The following HENMT1 variants were observed in gnomAD, a reference collection of about 807,000 sequenced individuals.
HENMT1 encodes the protein HEN methyltransferase 1.
Under a neutral mutation model 31.1 loss-of-function variants are expected in HENMT1, and 27 were observed. The observed-to-expected ratio is 0.87, with a 90% CI of 0.64 to 1.20. HENMT1 has a LOEUF of 1.20. Ranked by LOEUF, HENMT1 falls within the 50% of genes most tolerant of loss-of-function variation. HENMT1 has a pLI of 0.00. For missense variants in HENMT1, 438 were observed against 469.6 expected, an observed-to-expected ratio of 0.93 and a Z score of 0.62; for synonymous variants, 167 against 172.2, an observed-to-expected ratio of 0.97 and a Z score of 0.24.
At chr1:108,654,199 T>C (rs1356581911) in intron 5 of HENMT1, among the ~76,000 whole-genome samples, 1 of 152,172 alleles carries the variant, frequency 6.6e-6, no homozygotes, top group African/African-American at 2.4e-5. Context: ...TGTAAATGCA[T>C]GGATTTATTT....
Position 108,649,278 on chromosome 1 carries a change from CA to C in HENMT1, c.757-288del, listed in dbSNP as rs914564565. 1,365 of 506,332 alleles carry C rather than the reference CA, an allele frequency of 2.7e-3. 1 individual carries two copies. Among genetic ancestry groups the C allele is most frequent in the African/African-American group, 0.012 (628 of 50,428 alleles). 31.4% of individuals were successfully genotyped at this position (506,332 alleles called of 1,614,324 possible). A position where few individuals can be genotyped will look rare whatever the true frequency, so the allele number is the denominator to read the frequency against. The stretch of plus-strand genomic sequence containing the variant: ...CTACTTGATATTACAGGGGCAAGGG[CA>C]AAAAAAAATGAAAAATGGTTCAGTT... On this transcript the variant is annotated intron_variant, in intron 7 of 7. Coordinates refer to ENST00000651461, the MANE Select transcript of HENMT1 (RefSeq NM_001102592.2).
chr1:108,649,005 A>G lies in HENMT1; in HGVS notation c.757-14T>C. 6.4e-7 allele frequency: 1 copy of G among 1,554,712 alleles called. No individual in the cohort carries two copies. The highest frequency in any genetic ancestry group is 8.7e-7 in the Non-Finnish European group (1 of 1,151,558). ...GGTGGTAAAAACCTGAAGGGAAAAA[A>G]CAAAACACTTACAAGTGTATAATAA... is the stretch of plus-strand genomic sequence containing the variant. On this transcript the variant is annotated splice_polypyrimidine_tract_variant and intron_variant, in intron 7 of 7. Coordinates refer to ENST00000651461, the MANE Select transcript of HENMT1 (RefSeq NM_001102592.2).
chr1:108,648,927 T>G lies in HENMT1; in HGVS notation c.821A>C (p.Glu274Ala). The G allele has an allele frequency of 6.2e-7, 1 of 1,613,788 alleles. No individual in the cohort carries two copies. The highest frequency in any genetic ancestry group is 8.5e-7 in the Non-Finnish European group (1 of 1,179,746). The change falls in exon 8 of 8, where the codon GAG becomes GCG. Residue 274 changes from glutamate to alanine, a missense_variant. Coordinates refer to ENST00000651461, the MANE Select transcript of HENMT1 (RefSeq NM_001102592.2). ...TAAGCTTTCCACTTGTTGGGACACC[T>G]CATTAACCAACACAAGTTTAAAGAA... ...ERFFKLVLVN[E>A]VSQQVESLRV... is the part of the protein sequence containing the mutation.
intron 4 of HENMT1, among the ~76,000 whole-genome samples, chr1:108,655,061 G>A (rs1658177299): frequency 6.6e-6 from 1 of 152,080 alleles, no homozygotes; most frequent in Non-Finnish European, 1.5e-5. Context: ...AAAAAAGACT[G>A]AATATTTAAT....
chr1:108,657,240 C>T (rs1025997732), intron 3 of HENMT1, among the ~76,000 whole-genome samples: 3 of 152,174 alleles, frequency 2.0e-5, no homozygotes, highest in Admixed American at 2.0e-4. Flanking sequence ...CATCCCACCT[C>T]CCTAGTTTCT....
At chr1:108,652,080 G>C (rs1658075726) in intron 5 of HENMT1, among the ~76,000 whole-genome samples, 1 of 152,208 alleles carries the variant, frequency 6.6e-6, no homozygotes, top group Non-Finnish European at 1.5e-5. Context: ...AGGCAGAAAG[G>C]CTGCACAGAC....
chr1:108,650,380 T>C lies in HENMT1; in HGVS notation c.587A>G (p.Tyr196Cys), dbSNP rs1420527664. ...TRMEFQTWAL[Y>C]VANRYDYSVE... ...AGAGTAATCATAGCGATTTGCCACA[T>C]ATAAAGCCCTGAAACCAAAACGAGG... Residue 196 changes from tyrosine to cysteine, a missense_variant, in exon 7 of 8, where the codon TAT becomes TGT. Transcript: ENST00000651461. 3.1e-6 allele frequency: 5 copies of C among 1,610,546 alleles called. No individual in the cohort carries two copies. Among genetic ancestry groups the C allele is most frequent in the Non-Finnish European group, 4.2e-6 (5 of 1,179,064 alleles).
In HENMT1 at chr1:108,657,571, A is replaced by G; in HGVS notation, c.30T>C (p.Ser10=). ...CTTCTTCAAAATTACCGTCAACCAC[A>G]CTACTGCACTGAAGTTCACAAACAA... is the stretch of plus-strand genomic sequence containing the variant. MEENNLQCS[S]VVDGNFEEVP... Residue 10 remains serine, a synonymous_variant, in exon 3 of 8, where the codon AGT becomes AGC. Transcript: ENST00000651461. 3 of 1,613,498 alleles carry G rather than the reference A, an allele frequency of 1.9e-6. No individual in the cohort carries two copies. The highest frequency in any genetic ancestry group is 4.5e-5 in the East Asian group (2 of 44,864).
At chr1:108,651,303 T>C in intron 5 of HENMT1, 94 bp from the exon 6 acceptor site, 1 of 1,024,094 alleles carries the variant, frequency 9.8e-7, no homozygotes, top group South Asian at 1.6e-5. Context: ...CATCTGTGTA[T>C]CGATTTCTCC....
At chr1:108,657,991 ATACACACACACACACACATATATG>A (rs1557741935) in intron 2 of HENMT1, among the ~76,000 whole-genome samples, 2 of 139,984 alleles carry the variant, frequency 1.4e-5, no homozygotes, top group East Asian at 4.0e-4. Flanking sequence ...ACACATATAT[ATACACACACACACACACATATATG>A]TACACACACT....
intron 4 of HENMT1, among the ~76,000 whole-genome samples, chr1:108,655,260 C>T (rs961604585): frequency 1.3e-5 from 2 of 152,024 alleles, no homozygotes; most frequent in African/African-American, 2.4e-5. Flanking sequence ...TGGCCTGGAG[C>T]CTTGGCCTCA....
chr1:108,653,738 G>A (rs1212130619), intron 5 of HENMT1, among the ~76,000 whole-genome samples: 1 of 152,122 alleles, frequency 6.6e-6, no homozygotes, highest in Non-Finnish European at 1.5e-5. Context: ...AGAAATATCT[G>A]TTCAGGTCCT....
chr1:108,654,812 G>A lies in HENMT1; in HGVS notation c.302C>T (p.Pro101Leu). The A allele has an allele frequency of 1.2e-6, 2 of 1,614,024 alleles. No individual in the cohort carries two copies. The highest frequency in any genetic ancestry group is 1.7e-6 in the Non-Finnish European group (2 of 1,179,954). ...LAPFLGDFLK[P>L]RDLNLTITLY... ...TGTGATGGTCAAATTCAGATCCCGA[G>A]GTTTCAGAAAATCCCCCAGGAAAGG... The change falls in exon 5 of 8, where the codon CCT becomes CTT. Residue 101 changes from proline (P) to leucine (L), a missense_variant. Physicochemically the swap from Pro to Leu is moderately conservative, Grantham distance 98. Coordinates refer to ENST00000651461, the MANE Select transcript of HENMT1 (RefSeq NM_001102592.2).
chr1:108,652,952 C>T (rs1469214344), intron 5 of HENMT1, among the ~76,000 whole-genome samples: 2 of 151,746 alleles, frequency 1.3e-5, no homozygotes, highest in Non-Finnish European at 2.9e-5. Context: ...ACTTATTTCA[C>T]TTAATGCCCT....
chr1:108,654,728 G>A lies in HENMT1; in HGVS notation c.386C>T (p.Thr129Met), dbSNP rs139118338. 5.6e-5 allele frequency: 91 copies of A among 1,613,954 alleles called. No homozygotes were observed. The highest frequency in any genetic ancestry group is 5.2e-4 in the African/African-American group (39 of 75,008). Residue 129 changes from threonine to methionine, a missense_variant, in exon 5 of 8, where the codon ACG (threonine) becomes ATG (methionine). Coordinates refer to ENST00000651461, the MANE Select transcript of HENMT1 (RefSeq NM_001102592.2). ...DSRLLGFDLI[T>M]CIELIEHLDS... ...GTTTAAAACTTACAATTCAATACACGTTATCAAGTCAAATCCAAGCAAACG... is the reference window on the plus strand; with the variant it reads ...GTTTAAAACTTACAATTCAATACACATTATCAAGTCAAATCCAAGCAAACG...
intron 1 of HENMT1, among the ~76,000 whole-genome samples, chr1:108,660,658 C>G (rs966158549): frequency 6.6e-6 from 1 of 152,208 alleles, no homozygotes; most frequent in Non-Finnish European, 1.5e-5. Context: ...GGCGCGGTGG[C>G]TCACGCCTGT....
In HENMT1 at chr1:108,648,802, G is replaced by T; in HGVS notation, c.946C>A (p.Pro316Thr). ...GSKAPVPCFG[P>T]VFTEVEKAKI... is the part of the protein sequence containing the mutation. The stretch of plus-strand genomic sequence containing the variant: ...GCCTTCTCAACCTCTGTGAAGACTG[G>T]TCCAAAGCATGGGACAGGGGCCTTT... The change falls in exon 8 of 8, where the codon CCA becomes ACA. Residue 316 changes from proline (P) to threonine (T), a missense_variant. Coordinates refer to ENST00000651461, the MANE Select transcript of HENMT1 (RefSeq NM_001102592.2). The T allele has an allele frequency of 8.1e-6, 13 of 1,614,156 alleles. No homozygotes were observed. Among genetic ancestry groups the T allele is most frequent in the Non-Finnish European group, 1.0e-5 (12 of 1,180,016 alleles).
intron 7 of HENMT1, chr1:108,649,283 A>C (rs904346936): frequency 1.9e-6 from 1 of 519,382 alleles, no homozygotes; most frequent in Non-Finnish European, 3.7e-6. Flanking sequence ...AAGGGCAAAA[A>C]AAAATGAAAA....
At chr1:108,651,846 C>G (rs1353969181) in intron 5 of HENMT1, among the ~76,000 whole-genome samples, 2 of 152,046 alleles carry the variant, frequency 1.3e-5, no homozygotes, top group East Asian at 1.9e-4. Flanking sequence ...CTTATCCAAC[C>G]AAGGTCCTTT....
Sources: allele counts gnomAD v4.1 joint callset (sites outside exome capture counted in the v4.1 genomes callset), GRCh38; gene constraint gnomAD v4.1.1; transcripts MANE v1.5; gene names NCBI Gene and HGNC (gene_info 2026-07-23, HGNC 2026-07-21).